Variants in AMZ2 observed in about 807,000 individuals in gnomAD.
The protein encoded by AMZ2 is archaelysin family metallopeptidase 2, also known as archaemetzincin-2.
A neutral mutation model predicts 36.7 loss-of-function variants in AMZ2; 26 were observed. The ratio of observed to expected loss-of-function variants is 0.71; its 90% confidence interval spans 0.52 to 0.98. The LOEUF is 0.98. Among genes scored for constraint, AMZ2 ranks in the 50% least tolerant of loss-of-function variants. AMZ2 has a pLI of 0.00. For synonymous variants in AMZ2, 144 were observed against 149.1 expected, an observed-to-expected ratio of 0.97 and a Z score of 0.25; for missense variants, 394 against 430.5, an observed-to-expected ratio of 0.92 and a Z score of 0.75.
In AMZ2 at chr17:68,256,891, G is replaced by T. The variant is rs1462403799; in HGVS notation, c.1005G>T (p.Gly335=). 1 of 1,614,032 alleles carries T rather than the reference G, an allele frequency of 6.2e-7. No homozygotes were observed. The highest frequency in any genetic ancestry group is 1.3e-5 in the African/African-American group (1 of 74,926). The change falls in exon 7 of 7, where the codon GGG becomes GGT. Residue 335 remains glycine, a synonymous_variant. Coordinates refer to ENST00000359904, the MANE Select transcript of AMZ2 (RefSeq NM_016627.5). ...CAGAACACAGTCACGAGGATAATGG[G>T]AATTTACCGAAACCCGTGGAAGCCT... ...ATPEHSHEDN[G]NLPKPVEAFK...
At chr17:68,234,268 G>C (rs1263002381) in intron 1 of AMZ2, among the ~76,000 whole-genome samples, 5 of 151,306 alleles carry the variant, frequency 3.3e-5, no homozygotes, top group Non-Finnish European at 7.4e-5. Flanking sequence ...GGGCAACATA[G>C]CAAGACTCCA....
intron 1 of AMZ2, among the ~76,000 whole-genome samples, chr17:68,211,712 ATG>A (rs1412903017): frequency 4.1e-5 from 6 of 145,850 alleles, no homozygotes; most frequent in Admixed American, 3.5e-4. Flanking sequence ...ATATATGTAT[ATG>A]TATATATATG....
chr17:68,247,785 G>T, upstream of AMZ2: 1 of 985,564 alleles, frequency 1.0e-6, no homozygotes, highest in Non-Finnish European at 1.2e-6. Context: ...CCGGGCCGCG[G>T]AGCCGCCGCG....
rs1568378758 is a variant in AMZ2 at position 68,251,145 on chromosome 17, A to C, written c.553A>C (p.Asn185His). Reference sequence around the variant, plus strand: ...TGATCTTTACCCAAGAGACTCGTGGAATTTTGTCTTTGGACAGGCCTCTTT... The same window carrying C: ...TGATCTTTACCCAAGAGACTCGTGGCATTTTGTCTTTGGACAGGCCTCTTT... ...MIDLYPRDSW[N>H]FVFGQASLTD... The change falls in exon 4 of 7, where the codon AAT becomes CAT. Residue 185 changes from asparagine to histidine, a missense_variant. Transcript: ENST00000359904. 6.2e-7 allele frequency: 1 copy of C among 1,613,870 alleles called. No homozygotes were observed. Among genetic ancestry groups the C allele is most frequent in the Non-Finnish European group, 8.5e-7 (1 of 1,179,960 alleles).
chr17:68,207,804 C>A (rs1296310775), intron 1 of AMZ2, among the ~76,000 whole-genome samples: 3 of 152,316 alleles, frequency 2.0e-5, no homozygotes, highest in African/African-American at 4.8e-5. Context: ...GAGCCCCTTT[C>A]TGGGCTGGCC....
At chr17:68,233,388 A>G (rs2073710258) in intron 1 of AMZ2, among the ~76,000 whole-genome samples, 1 of 152,030 alleles carries the variant, frequency 6.6e-6, no homozygotes, top group South Asian at 2.1e-4. Context: ...GGGCATTTGT[A>G]ATCCCAGCTA....
intron 1 of AMZ2, among the ~76,000 whole-genome samples, chr17:68,238,368 C>T (rs2073833658): frequency 6.6e-6 from 1 of 152,042 alleles, no homozygotes; most frequent in Non-Finnish European, 1.5e-5. Flanking sequence ...TTTCTTCCTC[C>T]CCTCATTCGA....
intron 1 of AMZ2, among the ~76,000 whole-genome samples, chr17:68,207,723 G>A (rs1416853843): frequency 1.3e-5 from 2 of 152,256 alleles, no homozygotes; most frequent in African/African-American, 4.8e-5. Flanking sequence ...CCTGGCTGTC[G>A]GCGCCTCCTC....
chr17:68,256,879 C>T lies in AMZ2; in HGVS notation c.993C>T (p.His331=), dbSNP rs150769254. ...CTGGAGCAACTCCAGAACACAGTCA[C>T]GAGGATAATGGGAATTTACCGAAAC... ...DTPGATPEHS[H]EDNGNLPKPV... is the part of the protein sequence containing the mutation. The change falls in exon 7 of 7, where the codon CAC becomes CAT. Residue 331 remains histidine, a synonymous_variant. Transcript: ENST00000359904. The T allele has an allele frequency of 5.0e-6, 8 of 1,613,854 alleles. No individual in the cohort carries two copies. The highest frequency in any genetic ancestry group is 2.7e-5 in the African/African-American group (2 of 74,868).
Position 68,248,356 on chromosome 17 carries a change from C to G in AMZ2, c.-350C>G, listed in dbSNP as rs1296588319. 3.0e-6 allele frequency: 3 copies of G among 985,964 alleles called. No homozygotes were observed. Among genetic ancestry groups the G allele is most frequent in the East Asian group, 2.3e-4 (2 of 8,820 alleles). The allele number at this position is 985,964 out of a possible 1,614,324, so 61.1% of individuals were successfully genotyped here. On this transcript the variant is annotated 5_prime_UTR_variant, in exon 1 of 7. Coordinates refer to ENST00000359904, the MANE Select transcript of AMZ2 (RefSeq NM_016627.5). ...TGGGGAACCCCCACTCCACTCCCAG[C>G]TGGAGACTGGGTTGTGTCTGCATGG...
intron 1 of AMZ2, among the ~76,000 whole-genome samples, chr17:68,236,866 C>T (rs1307014326): frequency 1.3e-5 from 2 of 152,198 alleles, no homozygotes; most frequent in Non-Finnish European, 2.9e-5. Context: ...AGGCGTGAGC[C>T]ACCATGCCCG....
At chr17:68,222,685 C>A (rs1555728859) in intron 1 of AMZ2, among the ~76,000 whole-genome samples, 3 of 152,150 alleles carry the variant, frequency 2.0e-5, no homozygotes. Flanking sequence ...AGTGCTCAAT[C>A]TAGATCCCTC....
At chr17:68,246,196 A>C (rs1288083954), upstream of AMZ2, among the ~76,000 whole-genome samples, 19 of 25,794 alleles carry the variant, frequency 7.4e-4, no homozygotes, top group African/African-American at 3.1e-3. Context: ...CTAAAAATAC[A>C]AAAAAAAAAA....
intron 1 of AMZ2, among the ~76,000 whole-genome samples, chr17:68,223,982 C>T (rs1379772009): frequency 4.6e-5 from 7 of 151,898 alleles, no homozygotes; most frequent in Non-Finnish European, 1.0e-4. Context: ...CTCTGCCTCC[C>T]GGGTTCACGC....
At position 68,248,602 on chromosome 17, in the gene AMZ2, A is replaced by G; in HGVS notation, c.-104A>G. ...CCTGACCTTTCACACTGCCTTTTTA[A>G]TATTAAGATGAAGTCACACTCCACA... On this transcript the variant is annotated 5_prime_UTR_variant, in exon 1 of 7. Transcript: ENST00000359904. 2.0e-6 allele frequency: 2 copies of G among 985,864 alleles called. No individual in the cohort carries two copies. The highest frequency in any genetic ancestry group is 2.4e-6 in the Non-Finnish European group (2 of 829,974). 61.1% of individuals were successfully genotyped at this position (985,864 alleles called of 1,614,324 possible).
intron 1 of AMZ2, 41 bp from the exon 2 acceptor site, chr17:68,250,147 A>G: frequency 4.4e-6 from 7 of 1,582,922 alleles, no homozygotes; most frequent in Non-Finnish European, 6.0e-6. Flanking sequence ...CCCAATGTAG[A>G]TATGTATTTT....
At chr17:68,214,835 C>G (rs1213690467) in intron 1 of AMZ2, among the ~76,000 whole-genome samples, 1 of 151,434 alleles carries the variant, frequency 6.6e-6, no homozygotes, top group Non-Finnish European at 1.5e-5. Flanking sequence ...AAGCTCTGAA[C>G]TGCAGTGGCG....
intron 1 of AMZ2, chr17:68,207,242 A>G (rs1229491908): frequency 4.0e-5 from 6 of 151,066 alleles, no homozygotes; most frequent in African/African-American, 1.5e-4. Flanking sequence ...GAATTTCTCC[A>G]TGGTAACCCC....
chr17:68,213,538 T>C (rs1342471040), intron 1 of AMZ2, among the ~76,000 whole-genome samples: 1 of 152,224 alleles, frequency 6.6e-6, no homozygotes, highest in African/African-American at 2.4e-5. Context: ...TCCACACTGA[T>C]TCTTGATTCT....
Sources: gnomAD v4.1 joint callset for allele counts (sites outside exome capture counted in the v4.1 genomes callset) on GRCh38, gnomAD v4.1.1 for gene constraint, MANE v1.5 for transcripts, NCBI Gene and HGNC (gene_info 2026-07-23, HGNC 2026-07-21) for gene names.